Variants in SDK2 observed in about 807,000 individuals in gnomAD.
SDK2 encodes sidekick cell adhesion molecule 2, also known as protein sidekick-2.
Under a neutral mutation model 253.9 loss-of-function variants are expected in SDK2, and 105 were observed. The observed-to-expected ratio is 0.41, with a 90% CI of 0.35 to 0.49. The LOEUF (loss-of-function observed/expected upper bound fraction) is 0.49. Ranked by LOEUF, SDK2 falls within the 20% of genes least tolerant of loss-of-function variation. The pLI is 0.06. For synonymous variants in SDK2, 1,249 were observed against 1,234.9 expected (o/e 1.01, Z -0.24); for missense variants, 2,608 against 3,003.0 (o/e 0.87, Z 3.07).
intron 14 of SDK2, 52 bp downstream of exon 14, chr17:73,423,334 C>G: frequency 7.5e-7 from 1 of 1,341,304 alleles, no homozygotes; most frequent in Non-Finnish European, 9.7e-7. Flanking sequence ...AGGGCTGACT[C>G]CTAAGTCCAA....
intron 1 of SDK2, among the ~76,000 whole-genome samples, chr17:73,562,115 A>G (rs1270217989): frequency 6.6e-6 from 1 of 152,044 alleles, no homozygotes; most frequent in African/African-American, 2.4e-5. Context: ...GACAGAGCGA[A>G]ACTCCGTCTC....
chr17:73,382,531 C>T (rs1037173781), intron 33 of SDK2, among the ~76,000 whole-genome samples: 2 of 152,188 alleles, frequency 1.3e-5, no homozygotes, highest in East Asian at 1.9e-4. Context: ...TTTTTTCTTT[C>T]GTTATGTACC....
chr17:73,481,257 C>T lies in SDK2; in HGVS notation c.225-9039G>A, dbSNP rs1448760624. Reference sequence around the variant, plus strand: ...GGATAGGGAAGGATTCTGTGTCCCTCGGAGGAGGGGGGACTTGGGCACAGT... The same window carrying T: ...GGATAGGGAAGGATTCTGTGTCCCTTGGAGGAGGGGGGACTTGGGCACAGT... On this transcript the variant is annotated intron_variant, in intron 2 of 44. Transcript: ENST00000392650. This position sits in a 1 kb window ranked among gnomAD's most constrained non-coding sequence, Gnocchi z 4.5. Among the ~76,000 whole-genome samples the T allele has an allele frequency of 1.3e-5, 2 of 152,094 alleles. No individual in the cohort carries two copies. The highest frequency in any genetic ancestry group is 4.8e-5 in the African/African-American group (2 of 41,414).
chr17:73,475,371 C>T (rs2063679078), intron 2 of SDK2, among the ~76,000 whole-genome samples: 4 of 152,130 alleles, frequency 2.6e-5, no homozygotes, highest in East Asian at 1.9e-4. Flanking sequence ...AGGCTGGTCT[C>T]GAACTCCTGA....
intron 1 of SDK2, among the ~76,000 whole-genome samples, chr17:73,637,068 C>A (rs1165565935): frequency 6.6e-6 from 1 of 152,168 alleles, no homozygotes; most frequent in Non-Finnish European, 1.5e-5. Context: ...CCTATACATA[C>A]CACTTCTTAA....
In SDK2 at chr17:73,447,118, A is replaced by G. The variant is rs2063458227; in HGVS notation, c.613+497T>C. Among the ~76,000 whole-genome samples the G allele has an allele frequency of 6.6e-6, 1 of 152,110 alleles. No homozygotes were observed. Among genetic ancestry groups the G allele is most frequent in the South Asian group, 2.1e-4 (1 of 4,818 alleles). ...AGGTGTTTTAGGTGGGTGCCTGGGC[A>G]GAGGGCCTGTCTTCCCATCAGCAGG... On this transcript the variant is annotated intron_variant, in intron 5 of 44. Transcript: ENST00000392650. This position sits in a 1 kb window ranked among gnomAD's most constrained non-coding sequence, Gnocchi z 4.0.
rs533195485 is a variant in SDK2 at position 73,335,121 on chromosome 17, G to A, written c.*3466C>T. ...CCGGGGGGTGAGGGATGGACAGAAG[G>A]GGAGGCAGCCTGGGTTTGCAAACTC... On this transcript the variant is annotated 3_prime_UTR_variant, in exon 45 of 45. Coordinates refer to ENST00000392650, the MANE Select transcript of SDK2 (RefSeq NM_001144952.2). 2 of 152,762 alleles carry A rather than the reference G, an allele frequency of 1.3e-5. No individual in the cohort carries two copies. The highest frequency in any genetic ancestry group is 1.9e-4 in the East Asian group (1 of 5,186). The allele number at this position is 152,762 out of a possible 1,614,324, so 9.5% of individuals were successfully genotyped here. A position where few individuals can be genotyped will look rare whatever the true frequency, so the allele number is the denominator to read the frequency against.
In SDK2 at chr17:73,612,725, T is replaced by C. The variant is rs1047057932; in HGVS notation, c.64+31300A>G. Among the ~76,000 whole-genome samples, 4 of 152,162 alleles carry C rather than the reference T, an allele frequency of 2.6e-5. No individual in the cohort carries two copies. Among genetic ancestry groups the C allele is most frequent in the Non-Finnish European group, 5.9e-5 (4 of 68,038 alleles). ...CAAGGTCAAGACTTTGAGACAAGCCTGACCAACATGGTGAAACCCCGTCTC... is the reference window on the plus strand; with the variant it reads ...CAAGGTCAAGACTTTGAGACAAGCCCGACCAACATGGTGAAACCCCGTCTC... On this transcript the variant is annotated intron_variant, in intron 1 of 44. Transcript: ENST00000392650. This position sits in a 1 kb window ranked among gnomAD's most constrained non-coding sequence, Gnocchi z 4.4.
chr17:73,405,070 C>T (rs1599531571), intron 18 of SDK2, among the ~76,000 whole-genome samples: 1 of 147,858 alleles, frequency 6.8e-6, no homozygotes, highest in Admixed American at 6.9e-5. Context: ...TGAAATGTCT[C>T]CTGTCCCTGG....
chr17:73,451,484 T>C (rs1474064928), intron 4 of SDK2, among the ~76,000 whole-genome samples: 1 of 152,086 alleles, frequency 6.6e-6, no homozygotes, highest in Non-Finnish European at 1.5e-5. Context: ...AGCCTGAGCA[T>C]CAAGAGCGAA....
At chr17:73,579,104 T>C (rs1337870155) in intron 1 of SDK2, among the ~76,000 whole-genome samples, 1 of 151,878 alleles carries the variant, frequency 6.6e-6, no homozygotes, top group Non-Finnish European at 1.5e-5. Flanking sequence ...TCTAGCTCTT[T>C]CCTCTGGTGT....
intron 43 of SDK2, among the ~76,000 whole-genome samples, chr17:73,349,270 T>A (rs1014603316): frequency 2.6e-5 from 4 of 152,222 alleles, no homozygotes; most frequent in African/African-American, 9.6e-5. Flanking sequence ...TGGCAGAGGA[T>A]AAGAGCTCGG....
chr17:73,588,764 C>T (rs940657071), intron 1 of SDK2, among the ~76,000 whole-genome samples: 5 of 152,232 alleles, frequency 3.3e-5, no homozygotes, highest in Non-Finnish European at 5.9e-5. Flanking sequence ...TGGGAAGTCT[C>T]GCTGTGCCTA....
chr17:73,362,546 C>G (rs2062650350), intron 38 of SDK2, among the ~76,000 whole-genome samples: 1 of 152,088 alleles, frequency 6.6e-6, no homozygotes, highest in Admixed American at 6.5e-5. Context: ...TGTGCACCAT[C>G]ATGCCTGGCT....
Position 73,483,641 on chromosome 17 carries a change from ATG to A in SDK2, c.225-11425_225-11424del, listed in dbSNP as rs1174506982. Among the ~76,000 whole-genome samples the A allele has an allele frequency of 1.1e-3, 93 of 83,686 alleles. 2 individuals are homozygous for A. The highest frequency in any genetic ancestry group is 6.4e-3 in the Middle Eastern group (1 of 156). 54.9% of individuals were successfully genotyped at this position (83,686 alleles called of 152,430 possible). On this transcript the variant is annotated intron_variant, in intron 2 of 44. Transcript: ENST00000392650. ...TATATATATGTATATGTATATATATATGTGTGTGTGTGTGTGTGTGTATATAT... is the reference window on the plus strand; with the variant it reads ...TATATATATGTATATGTATATATATATGTGTGTGTGTGTGTGTGTATATAT...
intron 6 of SDK2, among the ~76,000 whole-genome samples, chr17:73,440,432 G>A (rs1567774515): frequency 2.0e-5 from 3 of 152,044 alleles, no homozygotes; most frequent in South Asian, 4.1e-4. Flanking sequence ...CATGTGAATC[G>A]TTTCCCATGC....
chr17:73,510,271 C>T (rs954106037), intron 1 of SDK2, among the ~76,000 whole-genome samples: 3 of 152,166 alleles, frequency 2.0e-5, no homozygotes, highest in African/African-American at 7.2e-5. Flanking sequence ...CCCTGCTGCA[C>T]AGCACCCCCA....
At chr17:73,442,365 G>C (rs914303537) in intron 5 of SDK2, among the ~76,000 whole-genome samples, 1 of 149,280 alleles carries the variant, frequency 6.7e-6, no homozygotes, top group Non-Finnish European at 1.5e-5. Flanking sequence ...TTTTTTGGAC[G>C]GAGTCTGGCT....
At chr17:73,351,994 A>G (rs2062542909) in intron 41 of SDK2, among the ~76,000 whole-genome samples, 1 of 152,008 alleles carries the variant, frequency 6.6e-6, no homozygotes, top group Non-Finnish European at 1.5e-5. Flanking sequence ...AAGACATGCC[A>G]GATAGGAAGA....
Sources: allele counts gnomAD v4.1 joint callset (sites outside exome capture counted in the v4.1 genomes callset), GRCh38; gene constraint gnomAD v4.1.1; non-coding constraint Gnocchi (gnomAD v3.1); transcripts MANE v1.5; gene names NCBI Gene and HGNC (gene_info 2026-07-23, HGNC 2026-07-21).